Variants in ITSN1 observed in about 807,000 individuals in gnomAD.
The protein encoded by ITSN1 is intersectin 1.
A neutral mutation model predicts 239.8 loss-of-function variants in ITSN1; 58 were observed. The observed-to-expected ratio is 0.24, with a 90% confidence interval of 0.20 to 0.30. ITSN1 has a LOEUF of 0.30. Ranked by LOEUF, ITSN1 falls within the 10% of genes least tolerant of loss-of-function variation. The probability of loss-of-function intolerance (pLI) is 1.00; values close to 1 mark genes in which losing one functional copy is unlikely to be tolerated. For synonymous variants in ITSN1, 780 were observed against 770.8 expected, an observed-to-expected ratio of 1.01 and a Z score of -0.20; for missense variants, 1,558 against 2,103.3, an observed-to-expected ratio of 0.74 and a Z score of 5.07.
At chr21:33,698,989 GTATT>G (rs1184777655) in intron 1 of ITSN1, among the ~76,000 whole-genome samples, 1 of 152,288 alleles carries the variant, frequency 6.6e-6, no homozygotes, top group East Asian at 1.9e-4. Flanking sequence ...TGTGGAGGCA[GTATT>G]TGTTTGGGGT....
Position 33,817,670 on chromosome 21 carries a change from G to T in ITSN1, c.2728-597G>T, listed in dbSNP as rs539826398. 9.2e-6 allele frequency: 11 copies of T among 1,190,502 alleles called. No homozygotes were observed. In the Admixed American group the frequency reaches 3.5e-4, roughly 38 times the overall value. The allele number at this position is 1,190,502 out of a possible 1,614,324, so 73.7% of individuals were successfully genotyped here. A position where few individuals can be genotyped will look rare whatever the true frequency, so the allele number is the denominator to read the frequency against. On this transcript the variant is annotated intron_variant, in intron 22 of 39. Transcript: ENST00000381318. Reference sequence around the variant, plus strand: ...AAATTATCTGGGGGAGGCAGAGACTGTTTTTTTCATCTGTAATCTCATGGG... The same window carrying T: ...AAATTATCTGGGGGAGGCAGAGACTTTTTTTTTCATCTGTAATCTCATGGG...
chr21:33,871,668 G>A (rs1372803613), intron 33 of ITSN1, among the ~76,000 whole-genome samples: 2 of 151,780 alleles, frequency 1.3e-5, no homozygotes, highest in East Asian at 1.9e-4. Context: ...TTAAACCCAC[G>A]AGGTGAAAGT....
intron 1 of ITSN1, among the ~76,000 whole-genome samples, chr21:33,690,791 A>ATATATATATATATATATATATACATG: frequency 1.2e-4 from 1 of 8,012 alleles, no homozygotes; most frequent in Non-Finnish European, 2.3e-4. Context: ...ATATATATAC[A>ATATATATATATATATATATATACATG]TATATATATA....
rs1293782484 is a variant in ITSN1 at position 33,790,381 on chromosome 21, ACTT to A, written c.1825-3959_1825-3957del. 1.4e-4 allele frequency among the ~76,000 whole-genome samples: 22 copies of A among 152,076 alleles called. 1 individual carries two copies. The East Asian group carries it at 3.5e-3, about 24-fold the overall frequency. The stretch of plus-strand genomic sequence containing the variant: ...TACATGCAGCTACAATTTCTTGACT[ACTT>A]AATAATTTCTTATTTAAGAAAGTAC... On this transcript the variant is annotated intron_variant, in intron 16 of 39. Transcript: ENST00000381318.
intron 29 of ITSN1, among the ~76,000 whole-genome samples, chr21:33,842,178 A>T (rs1293108629): frequency 6.6e-6 from 1 of 152,004 alleles, no homozygotes; most frequent in Admixed American, 6.6e-5. Context: ...TACAGGCGTG[A>T]GCCACCGCGC....
At chr21:33,758,574 G>T (rs2068080241) in intron 8 of ITSN1, among the ~76,000 whole-genome samples, 2 of 152,146 alleles carry the variant, frequency 1.3e-5, no homozygotes, top group African/African-American at 2.4e-5. Context: ...TTTAATTAAG[G>T]TTATGTAAGA....
Position 33,705,805 on chromosome 21 carries a change from C to T in ITSN1, c.-32-12992C>T, listed in dbSNP as rs571295977. Among the ~76,000 whole-genome samples the T allele has an allele frequency of 7.2e-5, 11 of 152,252 alleles. No individual in the cohort carries two copies. The South Asian group carries it at 1.9e-3, about 26-fold the overall frequency. Reference sequence around the variant, plus strand: ...TTAATAAAATATTCAGTCAAATGCTCTTCCTTTAGAAATGGAGGTACTGAA... The same window carrying T: ...TTAATAAAATATTCAGTCAAATGCTTTTCCTTTAGAAATGGAGGTACTGAA... On this transcript the variant is annotated intron_variant, in intron 1 of 39. Transcript: ENST00000381318.
intron 9 of ITSN1, among the ~76,000 whole-genome samples, chr21:33,764,814 T>C (rs150669811): frequency 7.4e-4 from 112 of 152,334 alleles, no homozygotes; most frequent in African/African-American, 2.5e-3. Flanking sequence ...GGTCCAGAAA[T>C]TGTTTAGTAA....
At chr21:33,647,263 C>T (rs528511324) in intron 1 of ITSN1, among the ~76,000 whole-genome samples, 31 of 151,970 alleles carry the variant, frequency 2.0e-4, no homozygotes, top group Admixed American at 8.5e-4. Flanking sequence ...ATGAAATACC[C>T]GTAAGTCTAC....
rs375241267 is a variant in ITSN1 at position 33,885,431 on chromosome 21, C to T, written c.4760-8C>T. On this transcript the variant is annotated splice_polypyrimidine_tract_variant and splice_region_variant and intron_variant, in intron 37 of 39. Coordinates refer to ENST00000381318, the MANE Select transcript of ITSN1 (RefSeq NM_003024.3). Reference sequence around the variant, plus strand: ...ATGAAGCATTTTGTGTTTTTCCTGCCGTCATAGTCCGTTCCCAAAGGGCAA... The same window carrying T: ...ATGAAGCATTTTGTGTTTTTCCTGCTGTCATAGTCCGTTCCCAAAGGGCAA... 5.2e-5 allele frequency: 84 copies of T among 1,613,278 alleles called. No homozygotes were observed. Among genetic ancestry groups the T allele is most frequent in the African/African-American group, 2.9e-4 (22 of 74,880 alleles).
intron 24 of ITSN1, among the ~76,000 whole-genome samples, chr21:33,823,126 G>A (rs2073785579): frequency 1.3e-5 from 2 of 152,230 alleles, no homozygotes; most frequent in Admixed American, 6.5e-5. Flanking sequence ...AGTAGGTATT[G>A]TGTAACTCTT....
At chr21:33,708,432 A>G (rs1056348407) in intron 1 of ITSN1, among the ~76,000 whole-genome samples, 1 of 151,702 alleles carries the variant, frequency 6.6e-6, no homozygotes, top group African/African-American at 2.4e-5. Flanking sequence ...CTTGTTGCCC[A>G]GGCTGGAGTG....
At chr21:33,720,991 C>T (rs934289418) in intron 2 of ITSN1, among the ~76,000 whole-genome samples, 187 bp from the exon 3 acceptor site, 1 of 152,154 alleles carries the variant, frequency 6.6e-6, no homozygotes, top group Non-Finnish European at 1.5e-5. Flanking sequence ...CTGTTTCTTA[C>T]ATTTTGTGTC....
rs1360777764 is a variant in ITSN1, at chr21:33,882,512, G to A, written c.4554+57G>A. On this transcript the variant is annotated intron_variant, in intron 35 of 39. Coordinates refer to ENST00000381318, the MANE Select transcript of ITSN1 (RefSeq NM_003024.3). This position sits in a 1 kb window ranked among gnomAD's most constrained non-coding sequence, Gnocchi z 4.5. ...GGTTGACGTGTTTGGGGAGGAAGAA[G>A]TTTCCAAAAAGGAGGTAGAGTTTTA... The A allele has an allele frequency of 8.0e-6, 12 of 1,502,314 alleles. No homozygotes were observed. Among genetic ancestry groups the A allele is most frequent in the Non-Finnish European group, 1.1e-5 (12 of 1,092,782 alleles). 93.1% of individuals were successfully genotyped at this position (1,502,314 alleles called of 1,614,324 possible).
At chr21:33,807,024 C>A (rs1392037935) in intron 20 of ITSN1, among the ~76,000 whole-genome samples, 2 of 152,132 alleles carry the variant, frequency 1.3e-5, no homozygotes, top group East Asian at 1.9e-4. Flanking sequence ...GAATGAAAGT[C>A]TCTTACAGCC....
At chr21:33,800,968 C>G (rs1336119349) in intron 19 of ITSN1, among the ~76,000 whole-genome samples, 1 of 141,078 alleles carries the variant, frequency 7.1e-6, no homozygotes, top group Non-Finnish European at 1.6e-5. Flanking sequence ...CGGGCTCAAG[C>G]AAAGCGATTC....
rs368648891 is a variant in ITSN1, at chr21:33,885,140, C to A, written c.4759+17C>A. Reference sequence around the variant, plus strand: ...CGTACCTGGGTAATGCATGGCCCCGCGGGGTGTCCTGCACAGCTGGGCAGG... The same window carrying A: ...CGTACCTGGGTAATGCATGGCCCCGAGGGGTGTCCTGCACAGCTGGGCAGG... On this transcript the variant is annotated intron_variant, in intron 37 of 39. Transcript: ENST00000381318. 3.9e-5 allele frequency: 62 copies of A among 1,605,610 alleles called. 1 individual carries two copies. The South Asian group carries it at 6.7e-4, about 17-fold the overall frequency.
At chr21:33,848,459 T>A (rs1315543423) in intron 29 of ITSN1, among the ~76,000 whole-genome samples, 2 of 152,186 alleles carry the variant, frequency 1.3e-5, no homozygotes, top group Non-Finnish European at 2.9e-5. Flanking sequence ...GTGGCCTTTG[T>A]TATGGTCGCC....
chr21:33,771,417 C>G (rs562329263), intron 11 of ITSN1, among the ~76,000 whole-genome samples: 2 of 151,346 alleles, frequency 1.3e-5, no homozygotes, highest in East Asian at 3.9e-4. Context: ...CTGCTGAGGA[C>G]AGTAAGGGAC....
Sources: gnomAD v4.1 joint callset for allele counts (sites outside exome capture counted in the v4.1 genomes callset) on GRCh38, gnomAD v4.1.1 for gene constraint, Gnocchi (gnomAD v3.1) non-coding constraint, MANE v1.5 for transcripts, NCBI Gene and HGNC (gene_info 2026-07-23, HGNC 2026-07-21) for gene names.